Variants in ZNF560 observed in about 807,000 individuals in gnomAD.
The protein encoded by ZNF560 is zinc finger protein 560.
ZNF560 carries 54 observed loss-of-function variants against 81.8 expected under a neutral mutation model. The observed-to-expected ratio is 0.66, with a 90% CI of 0.53 to 0.83. The LOEUF (loss-of-function observed/expected upper bound fraction) is 0.83. ZNF560 is among the 40% of genes least tolerant of loss of function. The probability of loss-of-function intolerance (pLI) is 0.00; values close to 1 mark genes in which losing one functional copy is unlikely to be tolerated. For synonymous variants in ZNF560, 321 were observed against 317.9 expected (o/e 1.01, Z -0.10); for missense variants, 940 against 932.4 (o/e 1.01, Z -0.11).
the ZNF560 span, among the ~76,000 whole-genome samples, chr19:9,448,963 A>G: frequency 2.0e-5 from 3 of 152,252 alleles, no homozygotes; most frequent in Non-Finnish European, 4.4e-5. Context: ...AAAGGGTTCA[A>G]TCCAACAAGA....
At chr19:9,455,912 G>A in the ZNF560 span, among the ~76,000 whole-genome samples, 9 of 152,220 alleles carry the variant, frequency 5.9e-5, no homozygotes, top group African/African-American at 2.2e-4. Context: ...ATGGGCATAC[G>A]AGAGAGAATG....
the ZNF560 span, among the ~76,000 whole-genome samples, chr19:9,457,232 A>G: frequency 6.6e-6 from 1 of 152,230 alleles, no homozygotes; most frequent in East Asian, 1.9e-4. Flanking sequence ...CTATTAATTC[A>G]GCTATATAAC....
chr19:9,495,577 C>T (rs1419540379), intron 2 of ZNF560, among the ~76,000 whole-genome samples: 1 of 151,990 alleles, frequency 6.6e-6, no homozygotes, highest in Non-Finnish European at 1.5e-5. Flanking sequence ...CGTGGTGGTG[C>T]ATGCCTGTAA....
At position 9,479,309 on chromosome 19, in the gene ZNF560, AAAAC is replaced by A. The variant is rs1324199582; in HGVS notation, c.-56-3944_-56-3941del. Among the ~76,000 whole-genome samples, 11 of 152,312 alleles carry A rather than the reference AAAAC, an allele frequency of 7.2e-5. No homozygotes were observed. In the South Asian group the frequency reaches 1.0e-3, roughly 14 times the overall value. On this transcript the variant is annotated intron_variant, in intron 2 of 9. Coordinates refer to ENST00000301480, the MANE Select transcript of ZNF560 (RefSeq NM_152476.3). ...AGACAGAATGGCCAAGTGGATTAAA[AAAAC>A]AAACAAAGACACAAATGATCATGTT... is the stretch of plus-strand genomic sequence containing the variant.
upstream of ZNF560, among the ~76,000 whole-genome samples, chr19:9,503,609 A>G (rs2073648886): frequency 6.6e-6 from 1 of 152,192 alleles, no homozygotes; most frequent in Admixed American, 6.5e-5. Context: ...ATCACAGCTT[A>G]CTGCAGCCTC....
chr19:9,459,768 A>AAT, the ZNF560 span, among the ~76,000 whole-genome samples: 1 of 152,116 alleles, frequency 6.6e-6, no homozygotes, highest in African/African-American at 2.4e-5. Context: ...AATGGAGAAT[A>AAT]GGTTCTTCTA....
At position 9,466,370 on chromosome 19, in the gene ZNF560, C is replaced by A; in HGVS notation, c.*204G>T. ...AAAAAAAAAAAGAGAGAGAGAAGAA[C>A]TAGTGTTTTCCTACATCCCTTACAT... On this transcript the variant is annotated 3_prime_UTR_variant, in exon 10 of 10. Transcript: ENST00000301480. The A allele has an allele frequency of 2.0e-6, 1 of 492,370 alleles. No individual in the cohort carries two copies. The highest frequency in any genetic ancestry group is 4.0e-5 in the South Asian group (1 of 25,110). 30.5% of individuals were successfully genotyped at this position (492,370 alleles called of 1,614,324 possible). A position where few individuals can be genotyped will look rare whatever the true frequency, so the allele number is the denominator to read the frequency against.
chr19:9,449,974 C>CA, the ZNF560 span, among the ~76,000 whole-genome samples: 2,249 of 43,132 alleles, frequency 0.052, 108 homozygotes, highest in South Asian at 0.081. Context: ...AACTCTGTCT[C>CA]AAAAAAAAAA....
upstream of ZNF560, among the ~76,000 whole-genome samples, chr19:9,503,520 A>G (rs2073648309): frequency 6.6e-6 from 1 of 152,112 alleles, no homozygotes; most frequent in Non-Finnish European, 1.5e-5. Context: ...TGGGCCTCTC[A>G]TTTTAAAATT....
chr19:9,501,616 C>T (rs1249177864), upstream of ZNF560, among the ~76,000 whole-genome samples: 2 of 151,920 alleles, frequency 1.3e-5, no homozygotes, highest in Admixed American at 6.6e-5. Flanking sequence ...CCATCTCAGC[C>T]TCCGAAAGTG....
At chr19:9,471,105 A>T (rs1455052545) in intron 6 of ZNF560, among the ~76,000 whole-genome samples, 191 bp downstream of exon 6, 1 of 152,216 alleles carries the variant, frequency 6.6e-6, no homozygotes, top group Non-Finnish European at 1.5e-5. Context: ...CTCCAATTTT[A>T]GAAGGATACA....
At position 9,496,513 on chromosome 19, in the gene ZNF560, C is replaced by T. The variant is rs1194037084; in HGVS notation, c.-57+1615G>A. On this transcript the variant is annotated intron_variant, in intron 2 of 9. Coordinates refer to ENST00000301480, the MANE Select transcript of ZNF560 (RefSeq NM_152476.3). Reference sequence around the variant, plus strand: ...TGCTGGGATTATAGGCGTGAGACACCGCACCAGGCCTGGCTTTGGTCTTTT... The same window carrying T: ...TGCTGGGATTATAGGCGTGAGACACTGCACCAGGCCTGGCTTTGGTCTTTT... 3.4e-5 allele frequency among the ~76,000 whole-genome samples: 5 copies of T among 147,224 alleles called. No individual in the cohort carries two copies. The East Asian group carries it at 6.2e-4, about 18-fold the overall frequency.
intron 2 of ZNF560, among the ~76,000 whole-genome samples, chr19:9,494,130 CAAAAAAAAA>C (rs891546578): frequency 8.9e-5 from 6 of 67,236 alleles, no homozygotes; most frequent in Admixed American, 5.0e-4. Context: ...GACTCCATCT[CAAAAAAAAA>C]AAAAAAAAAA....
chr19:9,457,912 A>T, the ZNF560 span, among the ~76,000 whole-genome samples: 1 of 152,172 alleles, frequency 6.6e-6, no homozygotes, highest in African/African-American at 2.4e-5. Context: ...GCTAATTGAA[A>T]AGCAAGTCCA....
chr19:9,475,888 G>A (rs2073194037), intron 2 of ZNF560, among the ~76,000 whole-genome samples: 1 of 152,168 alleles, frequency 6.6e-6, no homozygotes, highest in South Asian at 2.1e-4. Context: ...TTACAGGCAT[G>A]AGCCACTGCA....
intron 2 of ZNF560, among the ~76,000 whole-genome samples, chr19:9,496,600 G>A (rs1369561380): frequency 6.7e-6 from 1 of 149,920 alleles, no homozygotes; most frequent in Admixed American, 6.6e-5. Flanking sequence ...AAAAAGGTGG[G>A]GGTGGGGGGG....
chr19:9,503,203 C>T (rs2073645468), upstream of ZNF560, among the ~76,000 whole-genome samples: 1 of 152,052 alleles, frequency 6.6e-6, no homozygotes, highest in South Asian at 2.1e-4. Flanking sequence ...CTTGGGGGAC[C>T]AGAGCCAGAC....
Position 9,471,418 on chromosome 19 carries a change from A to T in ZNF560, c.239-40T>A, listed in dbSNP as rs1490802908. 7.7e-5 allele frequency: 28 copies of T among 361,438 alleles called. No individual in the cohort carries two copies. The highest frequency in any genetic ancestry group is 1.1e-4 in the Non-Finnish European group (26 of 229,756). The allele number at this position is 361,438 out of a possible 1,614,324, so 22.4% of individuals were successfully genotyped here. A position where few individuals can be genotyped will look rare whatever the true frequency, so the allele number is the denominator to read the frequency against. ...TAAACTGAGGTTTTTTTTTTTTTTA[A>T]AAAAAAAGGTAAAATGAAAGAGTTA... On this transcript the variant is annotated intron_variant, in intron 5 of 9. Coordinates refer to ENST00000301480, the MANE Select transcript of ZNF560 (RefSeq NM_152476.3).
intron 9 of ZNF560, among the ~76,000 whole-genome samples, chr19:9,468,765 T>C (rs1313058721): frequency 6.6e-6 from 1 of 150,740 alleles, no homozygotes; most frequent in Non-Finnish European, 1.5e-5. Flanking sequence ...TTACGCTCTG[T>C]TGCCCAGGCT....
Sources: allele counts gnomAD v4.1 joint callset (sites outside exome capture counted in the v4.1 genomes callset), GRCh38; gene constraint gnomAD v4.1.1; transcripts MANE v1.5; gene names NCBI Gene and HGNC (gene_info 2026-07-23, HGNC 2026-07-21).